CFAP20DC: variants seen among roughly 807,000 people sequenced by gnomAD.
The protein encoded by CFAP20DC is CFAP20 domain containing.
A neutral mutation model predicts 101.7 loss-of-function variants in CFAP20DC; 84 were observed. That is an observed-to-expected ratio of 0.83 (90% CI 0.69 to 0.99). The LOEUF is 0.99. Ranked by LOEUF, CFAP20DC falls within the 50% of genes least tolerant of loss-of-function variation. The pLI is 0.00. For synonymous variants in CFAP20DC, 359 were observed against 351.2 expected, an observed-to-expected ratio of 1.02 and a Z score of -0.25; for missense variants, 1,007 against 970.3, an observed-to-expected ratio of 1.04 and a Z score of -0.50.
In CFAP20DC at chr3:58,806,372, T is replaced by C. The variant is rs758169884; in HGVS notation, c.2237+23A>G. On this transcript the variant is annotated intron_variant, in intron 15 of 16. Transcript: ENST00000482387. Reference sequence around the variant, plus strand: ...CAACTAAGTTTTTTTTTTTCTTAAATGTAGATTATTAATGATTCTTACCGG... The same window carrying C: ...CAACTAAGTTTTTTTTTTTCTTAAACGTAGATTATTAATGATTCTTACCGG... The C allele has an allele frequency of 5.4e-6, 8 of 1,479,464 alleles. 1 individual carries two copies. In the Admixed American group the frequency reaches 1.4e-4, roughly 25 times the overall value. 91.6% of individuals were successfully genotyped at this position (1,479,464 alleles called of 1,614,324 possible). A position where few individuals can be genotyped will look rare whatever the true frequency, so the allele number is the denominator to read the frequency against.
At chr3:59,011,618 G>C (rs1217784035) in intron 4 of CFAP20DC, among the ~76,000 whole-genome samples, 1 of 151,724 alleles carries the variant, frequency 6.6e-6, no homozygotes, top group Non-Finnish European at 1.5e-5. Flanking sequence ...GATCAGAGCA[G>C]AATTAAACGA....
chr3:58,984,063 A>G (rs1362881134), intron 4 of CFAP20DC, among the ~76,000 whole-genome samples: 1 of 152,224 alleles, frequency 6.6e-6, no homozygotes, highest in African/African-American at 2.4e-5. Flanking sequence ...CCTGTCATTA[A>G]TGTTTAAATG....
At chr3:58,754,095 A>C (rs563000533) in intron 15 of CFAP20DC, among the ~76,000 whole-genome samples, 2 of 152,172 alleles carry the variant, frequency 1.3e-5, no homozygotes, top group Admixed American at 1.3e-4. Flanking sequence ...TGAATATTCC[A>C]CTCAAAAGTT....
chr3:58,939,022 A>T (rs1413636215), intron 4 of CFAP20DC, among the ~76,000 whole-genome samples: 1 of 152,184 alleles, frequency 6.6e-6, no homozygotes, highest in African/African-American at 2.4e-5. Context: ...CATTTACCCT[A>T]AGGCAATGTC....
intron 1 of CFAP20DC, among the ~76,000 whole-genome samples, chr3:59,048,858 A>T (rs1302324276): frequency 1.3e-5 from 2 of 152,184 alleles, no homozygotes; most frequent in Admixed American, 6.5e-5. Flanking sequence ...GGAGACCAGG[A>T]AGGGAGGTGT....
intron 15 of CFAP20DC, among the ~76,000 whole-genome samples, chr3:58,755,736 G>A (rs2068901189): frequency 2.6e-5 from 4 of 152,234 alleles, no homozygotes. Context: ...AAGAACTACT[G>A]TATATCCTTC....
intron 4 of CFAP20DC, among the ~76,000 whole-genome samples, chr3:59,000,386 T>G (rs910409211): frequency 2.0e-4 from 31 of 152,320 alleles, no homozygotes; most frequent in Middle Eastern, 6.8e-3. Context: ...GTCAAAATCT[T>G]TAGCAGTCGA....
rs59507008 is a variant in CFAP20DC at position 58,729,664 on chromosome 3, T to C, written c.198-12036A>G. Among the ~76,000 whole-genome samples the C allele has an allele frequency of 0.084, 12,740 of 152,202 alleles. 914 individuals are homozygous for C. The highest frequency in any genetic ancestry group is 0.36 in the East Asian group (1,834 of 5,166). On this transcript the variant is annotated intron_variant, in intron 3 of 3. Coordinates refer to the CFAP20DC transcript ENST00000486145. This position sits in a 1 kb window ranked among gnomAD's most constrained non-coding sequence, Gnocchi z 4.4. ...TTCTGGCTTTATTTGTATTTATTTGTATAAGCTTTTTAGTTGTTCCCAATG... is the reference window on the plus strand; with the variant it reads ...TTCTGGCTTTATTTGTATTTATTTGCATAAGCTTTTTAGTTGTTCCCAATG...
At chr3:58,925,389 T>A (rs1395441444) in intron 5 of CFAP20DC, among the ~76,000 whole-genome samples, 1 of 152,220 alleles carries the variant, frequency 6.6e-6, no homozygotes. Flanking sequence ...CCGTTATCAA[T>A]AATTATTTAC....
intron 4 of CFAP20DC, among the ~76,000 whole-genome samples, chr3:58,997,937 G>A (rs1271634788): frequency 6.6e-6 from 1 of 152,146 alleles, no homozygotes; most frequent in Non-Finnish European, 1.5e-5. Context: ...AGAAGGCAAG[G>A]TCAAGACAGT....
At chr3:58,730,018 CAAAAAA>C (rs769033730) in intron 3 of CFAP20DC, among the ~76,000 whole-genome samples, 2 of 53,512 alleles carry the variant, frequency 3.7e-5, no homozygotes. Context: ...AACCTGTCTC[CAAAAAA>C]AAAAAAAAAA....
Position 58,888,206 on chromosome 3 carries a change from T to C in CFAP20DC, c.551-3497A>G, listed in dbSNP as rs557927571. On this transcript the variant is annotated intron_variant, in intron 6 of 16. Coordinates refer to ENST00000482387, the MANE Select transcript of CFAP20DC (RefSeq NM_001394063.1). ...ACATTAAATAGCGCTTCATTGTGAG[T>C]TCACAGAAAGCATGGTCCAGTTTCA... 5.3e-5 allele frequency among the ~76,000 whole-genome samples: 8 copies of C among 152,256 alleles called. No individual in the cohort carries two copies. The South Asian group carries it at 6.2e-4, about 12-fold the overall frequency.
chr3:58,872,590 T>C (rs926098472), intron 7 of CFAP20DC, among the ~76,000 whole-genome samples: 2 of 152,128 alleles, frequency 1.3e-5, no homozygotes, highest in African/African-American at 4.8e-5. Context: ...ATGAGGTAGA[T>C]GTTGAAGTCG....
chr3:58,717,242 C>T (rs1030608905), downstream of CFAP20DC: 5 of 175,190 alleles, frequency 2.9e-5, no homozygotes, highest in East Asian at 5.2e-4. This position sits in a 1 kb window ranked among gnomAD's most constrained non-coding sequence, Gnocchi z 4.1. Flanking sequence ...GAGGGTAGGA[C>T]GATGAAGGTG....
At chr3:58,738,901 A>G (rs1028975638), downstream of CFAP20DC, among the ~76,000 whole-genome samples, 2 of 152,210 alleles carry the variant, frequency 1.3e-5, no homozygotes, top group African/African-American at 2.4e-5. This position sits in a 1 kb window ranked among gnomAD's most constrained non-coding sequence, Gnocchi z 4.4. Flanking sequence ...AACTTCCAGA[A>G]GCAAGATCTT....
intron 3 of CFAP20DC, among the ~76,000 whole-genome samples, chr3:58,719,965 C>T (rs1233976667): frequency 6.6e-6 from 1 of 152,234 alleles, no homozygotes; most frequent in East Asian, 1.9e-4. Context: ...TCCTGGAAAC[C>T]TCTTCCCTGA....
rs564790958 is a variant in CFAP20DC at position 58,975,453 on chromosome 3, GA to G, written c.279-37692del. ...TAGCAAAATCATAAGACTATGTGTA[GA>G]GACAATGAATTTATAGAAATATATC... On this transcript the variant is annotated intron_variant, in intron 4 of 16. Coordinates refer to ENST00000482387, the MANE Select transcript of CFAP20DC (RefSeq NM_001394063.1). Among the ~76,000 whole-genome samples, 17 of 152,244 alleles carry G rather than the reference GA, an allele frequency of 1.1e-4. No homozygotes were observed. The East Asian group carries it at 3.3e-3, about 29-fold the overall frequency.
intron 3 of CFAP20DC, chr3:58,726,285 A>G (rs1328168505): frequency 6.6e-6 from 1 of 152,288 alleles, no homozygotes; most frequent in Non-Finnish European, 1.5e-5. Flanking sequence ...TGTATCAGTG[A>G]TAAGTAGGTA....
At chr3:59,008,291 C>G (rs1364066988) in intron 4 of CFAP20DC, among the ~76,000 whole-genome samples, 2 of 152,128 alleles carry the variant, frequency 1.3e-5, no homozygotes, top group Non-Finnish European at 2.9e-5. Flanking sequence ...TCCTGGTGAC[C>G]TGGCATGGGA....
Sources: gnomAD v4.1 joint callset for allele counts (sites outside exome capture counted in the v4.1 genomes callset) on GRCh38, gnomAD v4.1.1 for gene constraint, Gnocchi (gnomAD v3.1) non-coding constraint, MANE v1.5 for transcripts, NCBI Gene and HGNC (gene_info 2026-07-23, HGNC 2026-07-21) for gene names.